PDIA5: variants seen among roughly 807,000 people sequenced by gnomAD.
PDIA5 encodes protein disulfide isomerase family A member 5.
Under a neutral mutation model 77.6 loss-of-function variants are expected in PDIA5, and 58 were observed. That is an observed-to-expected ratio of 0.75 (90% CI 0.61 to 0.93). The LOEUF (loss-of-function observed/expected upper bound fraction) is 0.93, where lower values mean the gene tolerates loss of function less well. PDIA5 is among the 40% of genes least tolerant of loss of function. The pLI is 0.00. For missense variants in PDIA5, 630 were observed against 647.7 expected (o/e 0.97, Z 0.30); for synonymous variants, 250 against 252.1 (o/e 0.99, Z 0.08).
rs367744274 is a variant in PDIA5, at chr3:123,147,909, G to A, written c.1142+1650G>A. On this transcript the variant is annotated intron_variant, in intron 13 of 16. Coordinates refer to ENST00000316218, the MANE Select transcript of PDIA5 (RefSeq NM_006810.4). ...TGCTTGGACTTCTGGTTAGAGAGCC[G>A]AGGGAATCCAGAGTGTCGATCATCA... Among the ~76,000 whole-genome samples, 49 of 152,268 alleles carry A rather than the reference G, an allele frequency of 3.2e-4. No individual in the cohort carries two copies. The South Asian group carries it at 4.2e-3, about 13-fold the overall frequency.
At chr3:123,151,919 T>TCCTTCCTTCCTGCCTTCCTTCCTGCCTG (rs1935915628) in intron 14 of PDIA5, among the ~76,000 whole-genome samples, 7 of 120,456 alleles carry the variant, frequency 5.8e-5, no homozygotes, top group Admixed American at 8.0e-5. Flanking sequence ...CTTCCTGCCT[T>TCCTTCCTTCCTGCCTTCCTTCCTGCCTG]CCTTCCTTCC....
intron 5 of PDIA5, among the ~76,000 whole-genome samples, chr3:123,105,074 T>G (rs183085159): frequency 4.6e-5 from 7 of 152,318 alleles, no homozygotes; most frequent in Non-Finnish European, 7.4e-5. Flanking sequence ...TTTTTCTTGA[T>G]GCTGAGGTGG....
At chr3:123,110,780 C>T (rs1190887630) in intron 6 of PDIA5, among the ~76,000 whole-genome samples, 164 bp from the exon 7 acceptor site, 1 of 152,142 alleles carries the variant, frequency 6.6e-6, no homozygotes, top group Non-Finnish European at 1.5e-5. Context: ...GGCTCTGCCC[C>T]CACCCGCAAA....
At chr3:123,123,843 C>T (rs751268701) in intron 8 of PDIA5, among the ~76,000 whole-genome samples, 17 of 152,178 alleles carry the variant, frequency 1.1e-4, no homozygotes, top group Non-Finnish European at 2.1e-4. Context: ...AGCAGGCGTG[C>T]GGAGTGCAGC....
rs530214400 is a variant in PDIA5 at position 123,148,807 on chromosome 3, G to A, written c.1143-1427G>A. Among the ~76,000 whole-genome samples, 20 of 152,286 alleles carry A rather than the reference G, an allele frequency of 1.3e-4. No homozygotes were observed. In the South Asian group the frequency reaches 2.7e-3, roughly 21 times the overall value. ...TCCAGGGACAAATAGTAGTTCTTCCGGGAACTTGGAGGGGATCCTTCAGGT... is the reference window on the plus strand; with the variant it reads ...TCCAGGGACAAATAGTAGTTCTTCCAGGAACTTGGAGGGGATCCTTCAGGT... On this transcript the variant is annotated intron_variant, in intron 13 of 16. Transcript: ENST00000316218.
chr3:123,110,109 C>T (rs997604462), intron 6 of PDIA5, among the ~76,000 whole-genome samples: 9 of 152,168 alleles, frequency 5.9e-5, no homozygotes, highest in African/African-American at 2.2e-4. Context: ...CACTGCAGTC[C>T]TTGATAGAGT....
chr3:123,123,900 G>C (rs1474201086), intron 8 of PDIA5, among the ~76,000 whole-genome samples, 166 bp from the exon 9 acceptor site: 2 of 152,288 alleles, frequency 1.3e-5, no homozygotes, highest in East Asian at 3.9e-4. Flanking sequence ...CATGATTCCC[G>C]GCTGGCTTCG....
intron 1 of PDIA5, among the ~76,000 whole-genome samples, chr3:123,072,940 GTGTA>G (rs367683008): frequency 2.0e-5 from 3 of 150,250 alleles, no homozygotes; most frequent in Non-Finnish European, 3.0e-5. Flanking sequence ...GTGTGTGTGT[GTGTA>G]TGTGGTGTTG....
chr3:123,092,182 C>A (rs1046577838), intron 2 of PDIA5, among the ~76,000 whole-genome samples, 173 bp from the exon 3 acceptor site: 3 of 152,134 alleles, frequency 2.0e-5, no homozygotes, highest in African/African-American at 7.2e-5. Flanking sequence ...ACCATTCTTG[C>A]AGCACAGGCC....
intron 8 of PDIA5, among the ~76,000 whole-genome samples, chr3:123,120,851 C>T (rs1432573772): frequency 6.6e-6 from 1 of 152,138 alleles, no homozygotes. Context: ...CTTCCTCATG[C>T]ACCCTTCATC....
At chr3:123,094,486 C>T (rs1218912560) in intron 3 of PDIA5, among the ~76,000 whole-genome samples, 2 of 152,244 alleles carry the variant, frequency 1.3e-5, no homozygotes, top group East Asian at 3.9e-4. Context: ...AGCTCCTGCC[C>T]TCCAGTTCAT....
chr3:123,147,676 G>A (rs1935800195), intron 13 of PDIA5, among the ~76,000 whole-genome samples: 1 of 152,196 alleles, frequency 6.6e-6, no homozygotes, highest in Admixed American at 6.5e-5. Flanking sequence ...GGGAGGATTT[G>A]GAAAGTAGCT....
intron 10 of PDIA5, among the ~76,000 whole-genome samples, chr3:123,126,281 C>A (rs1228460868): frequency 1.3e-5 from 2 of 151,862 alleles, no homozygotes; most frequent in African/African-American, 4.8e-5. Context: ...TGGCCTGCAC[C>A]CCACAGCTGC....
intron 1 of PDIA5, among the ~76,000 whole-genome samples, chr3:123,076,253 C>G (rs374175645): frequency 1.3e-5 from 2 of 152,274 alleles, no homozygotes; most frequent in South Asian, 4.1e-4. Flanking sequence ...TGGCGGGGAC[C>G]TGGCTCTACT....
chr3:123,161,822 C>T (rs575641142), intron 16 of PDIA5, 58 bp from the exon 17 acceptor site: 2 of 1,129,106 alleles, frequency 1.8e-6, no homozygotes, highest in South Asian at 2.5e-5. Flanking sequence ...AGAGAGAGTG[C>T]ACAGCCAGCT....
intron 1 of PDIA5, among the ~76,000 whole-genome samples, chr3:123,084,087 C>G (rs890960653): frequency 2.0e-5 from 3 of 152,074 alleles, no homozygotes; most frequent in Non-Finnish European, 4.4e-5. Flanking sequence ...TCTCCCTGAT[C>G]GACCTATCCT....
Position 123,161,935 on chromosome 3 carries a change from T to C in PDIA5, c.1535T>C (p.Leu512Pro). The C allele has an allele frequency of 1.9e-6, 3 of 1,602,236 alleles. No homozygotes were observed. The highest frequency in any genetic ancestry group is 1.7e-6 in the Non-Finnish European group (2 of 1,169,578). ...RALREGDHER[L>P]GKKKEEL ...CTCCGGGAGGGAGACCATGAAAGAC[T>C]AGGGAAAAAGAAGGAAGAGTTATAA... The change falls in exon 17 of 17, where the codon CTA becomes CCA. Residue 512 changes from leucine to proline, a missense_variant. Leu to Pro is a moderately conservative substitution (Grantham distance 98). Transcript: ENST00000316218.
chr3:123,130,121 A>G (rs1028979588), intron 10 of PDIA5, among the ~76,000 whole-genome samples: 9 of 152,212 alleles, frequency 5.9e-5, no homozygotes, highest in Admixed American at 2.0e-4. Context: ...GTTGCTATTT[A>G]TTCTTTCCAG....
At chr3:123,152,445 T>A (rs1353871440) in intron 14 of PDIA5, among the ~76,000 whole-genome samples, 1 of 152,206 alleles carries the variant, frequency 6.6e-6, no homozygotes, top group East Asian at 1.9e-4. Context: ...GGGACATACA[T>A]CTTTATCAGT....
Sources: gnomAD v4.1 joint callset for allele counts (sites outside exome capture counted in the v4.1 genomes callset) on GRCh38, gnomAD v4.1.1 for gene constraint, MANE v1.5 for transcripts, NCBI Gene and HGNC (gene_info 2026-07-23, HGNC 2026-07-21) for gene names.